Variants in MED28 observed in about 807,000 individuals in gnomAD.
MED28 encodes the protein mediator of RNA polymerase II transcription subunit 28.
A neutral mutation model predicts 21.3 loss-of-function variants in MED28; 26 were observed. That is an observed-to-expected ratio of 1.22 (90% CI 0.89 to 1.69). The LOEUF (loss-of-function observed/expected upper bound fraction) is 1.69, where lower values mean the gene tolerates loss of function less well. MED28 is among the 40% of genes most tolerant of loss of function. The pLI, the probability that MED28 is intolerant of heterozygous loss-of-function variation, is 0.00. For missense variants in MED28, 257 were observed against 215.4 expected, an observed-to-expected ratio of 1.19 and a Z score of -1.21; for synonymous variants, 110 against 87.6, an observed-to-expected ratio of 1.26 and a Z score of -1.43.
rs1714740326 is a variant in MED28, at chr4:17,625,072, CAT to C, written c.*1275_*1276del. 6.6e-6 allele frequency: 1 copy of C among 152,268 alleles called. No individual in the cohort carries two copies. The highest frequency in any genetic ancestry group is 6.6e-5 in the Admixed American group (1 of 15,258). The allele number at this position is 152,268 out of a possible 1,614,324, so 9.4% of individuals were successfully genotyped here. ...CTTCCCACATGGACTGACATCCACT[CAT>C]GTGCCTGATCCCTGAAGCCTCCCAG... On this transcript the variant is annotated 3_prime_UTR_variant, in exon 4 of 4. Coordinates refer to ENST00000237380, the MANE Select transcript of MED28 (RefSeq NM_025205.5).
Position 17,626,354 on chromosome 4 carries a change from G to A in MED28, c.*2556G>A, listed in dbSNP as rs917637181. The A allele has an allele frequency of 6.6e-6, 1 of 152,374 alleles. No homozygotes were observed. Among genetic ancestry groups the A allele is most frequent in the South Asian group, 2.1e-4 (1 of 4,830 alleles). The allele number at this position is 152,374 out of a possible 1,614,324, so 9.4% of individuals were successfully genotyped here. On this transcript the variant is annotated 3_prime_UTR_variant, in exon 4 of 4. Transcript: ENST00000237380. The stretch of plus-strand genomic sequence containing the variant: ...GGAAGAGGAGGGTTATGGAGGAAGA[G>A]TATGGGATTTAGGTGGGTTAAGTGA...
rs1295737047 is a variant in MED28 at position 17,631,666 on chromosome 4, T to G, written c.*7868T>G. ...AAAGCCCTTTTAGAGGTGGGTGTTA[T>G]CCCATCTATAATCTGCTGCTTGTCT... On this transcript the variant is annotated 3_prime_UTR_variant, in exon 4 of 4. Coordinates refer to ENST00000237380, the MANE Select transcript of MED28 (RefSeq NM_025205.5). The G allele has an allele frequency of 6.6e-6, 1 of 152,208 alleles. No individual in the cohort carries two copies. The highest frequency in any genetic ancestry group is 1.5e-5 in the Non-Finnish European group (1 of 68,042). The allele number at this position is 152,208 out of a possible 1,614,324, so 9.4% of individuals were successfully genotyped here.
At position 17,628,132 on chromosome 4, in the gene MED28, A is replaced by G. The variant is rs1714814628; in HGVS notation, c.*4334A>G. On this transcript the variant is annotated 3_prime_UTR_variant, in exon 4 of 4. Transcript: ENST00000237380. ...GAATGCCAACCCCAAAGTTGCTCTCAGGCCATGATAAAATAAACCACTTAA... is the reference window on the plus strand; with the variant it reads ...GAATGCCAACCCCAAAGTTGCTCTCGGGCCATGATAAAATAAACCACTTAA... 6.6e-6 allele frequency: 1 copy of G among 152,170 alleles called. No individual in the cohort carries two copies. Among genetic ancestry groups the G allele is most frequent in the Non-Finnish European group, 1.5e-5 (1 of 68,046 alleles). 9.4% of individuals were successfully genotyped at this position (152,170 alleles called of 1,614,324 possible).
intron 2 of MED28, 51 bp from the exon 3 acceptor site, chr4:17,621,536 A>C (rs1714632366): frequency 8.1e-6 from 10 of 1,228,344 alleles, no homozygotes; most frequent in Non-Finnish European, 1.1e-5. Flanking sequence ...AGGGAGATAA[A>C]TGAGTCTGTT....
At position 17,614,707 on chromosome 4, in the gene MED28, A is replaced by G. The variant is rs763018316; in HGVS notation, c.53A>G (p.Gln18Arg). 2.0e-5 allele frequency: 33 copies of G among 1,614,026 alleles called. No homozygotes were observed. Among genetic ancestry groups the G allele is most frequent in the Non-Finnish European group, 2.7e-5 (32 of 1,180,034 alleles). The stretch of plus-strand genomic sequence containing the variant: ...TCTGGGCAGCCACCCGGTCCCCCTC[A>G]GGCCCCGCCGGGCCTTCCGGGCCAA... ...MFSGQPPGPP[Q>R]APPGLPGQAS... The change falls in exon 1 of 4, where the codon CAG becomes CGG. Residue 18 changes from glutamine to arginine, a missense_variant. By Grantham distance (43) the Gln-to-Arg change is conservative. Coordinates refer to ENST00000237380, the MANE Select transcript of MED28 (RefSeq NM_025205.5).
Position 17,621,620 on chromosome 4 carries a change from T to C in MED28, c.260T>C (p.Ile87Thr). ...CAGTGTATCCAGAAGTTTCTGGATA[T>C]TGCAAGACAGACAGAATGTTTTTTC... Reference protein sequence around the residue: ...VDQCIQKFLDIARQTECFFLQ... With the variant: ...VDQCIQKFLDTARQTECFFLQ... The change falls in exon 3 of 4, where the codon ATT becomes ACT. Residue 87 changes from isoleucine to threonine, a missense_variant. Coordinates refer to ENST00000237380, the MANE Select transcript of MED28 (RefSeq NM_025205.5). 6.2e-7 allele frequency: 1 copy of C among 1,610,264 alleles called. No individual in the cohort carries two copies. The highest frequency in any genetic ancestry group is 1.7e-4 in the Middle Eastern group (1 of 6,056).
intron 3 of MED28, 74 bp downstream of exon 3, chr4:17,621,773 GAGA>G (rs1374748726): frequency 2.5e-5 from 25 of 987,500 alleles, no homozygotes; most frequent in Admixed American, 1.3e-4. Flanking sequence ...TGCTTTAAAT[GAGA>G]TGTAACCGTT....
chr4:17,614,841 C>T (rs1577229614), intron 1 of MED28, 28 bp downstream of exon 1: 2 of 1,558,856 alleles, frequency 1.3e-6, no homozygotes, highest in Non-Finnish European at 1.7e-6. Flanking sequence ...CGTCTTTGTC[C>T]CTAGCCTTCC....
In MED28 at chr4:17,620,713, T is replaced by G. The variant is rs1162367955; in HGVS notation, c.226+746T>G. Among the ~76,000 whole-genome samples, 309 of 93,212 alleles carry G rather than the reference T, an allele frequency of 3.3e-3. 3 individuals carry two copies. The East Asian group carries it at 0.053, about 16-fold the overall frequency. The allele number at this position is 93,212 out of a possible 152,430, so 61.2% of individuals were successfully genotyped here. On this transcript the variant is annotated intron_variant, in intron 2 of 3. Transcript: ENST00000237380. ...GTCTCTTTTTTTTTTTTTTTTTTTT[T>G]GGAGACAGAGTTCTTGCTCTCTCAC...
In MED28 at chr4:17,624,065, A is replaced by G; in HGVS notation, c.*267A>G. The G allele has an allele frequency of 4.7e-6, 2 of 424,850 alleles. No homozygotes were observed. The highest frequency in any genetic ancestry group is 8.5e-6 in the Non-Finnish European group (2 of 235,288). The allele number at this position is 424,850 out of a possible 1,614,324, so 26.3% of individuals were successfully genotyped here. On this transcript the variant is annotated 3_prime_UTR_variant, in exon 4 of 4. Transcript: ENST00000237380. ...TTAGACTGTGAATATGATGACACAG[A>G]TTCTTTTTTATGGTGGCTTTGCTTG... is the stretch of plus-strand genomic sequence containing the variant.
At chr4:17,615,192 G>A (rs1231504330) in intron 1 of MED28, among the ~76,000 whole-genome samples, 1 of 152,120 alleles carries the variant, frequency 6.6e-6, no homozygotes, top group African/African-American at 2.4e-5. Context: ...TATCCTTTCC[G>A]CTGGGCTTCA....
rs1233956735 is a variant in MED28, at chr4:17,621,663, G to A, written c.303G>A (p.Gln101=). The A allele has an allele frequency of 2.5e-6, 4 of 1,611,244 alleles. No individual in the cohort carries two copies. In the South Asian group the frequency reaches 3.4e-5, roughly 14 times the overall value. Residue 101 remains glutamine (Q), a synonymous_variant, in exon 3 of 4, where the codon CAG becomes CAA. Transcript: ENST00000237380. ...GTTTTTTCTTACAAAAAAGATTGCA[G>A]TTATCTGTCCAGAAACCAGAGCAAG... ...TECFFLQKRL[Q]LSVQKPEQVI...
chr4:17,622,515 GCT>G (rs1400109465), intron 3 of MED28, among the ~76,000 whole-genome samples: 1 of 152,146 alleles, frequency 6.6e-6, no homozygotes, highest in Non-Finnish European at 1.5e-5. Context: ...TTCTTAAAAA[GCT>G]CTTGAAAATG....
rs1228360443 is a variant in MED28 at position 17,631,904 on chromosome 4, G to A, written c.*8106G>A. 1.3e-5 allele frequency: 2 copies of A among 152,142 alleles called. No individual in the cohort carries two copies. The highest frequency in any genetic ancestry group is 4.8e-5 in the African/African-American group (2 of 41,430). The allele number at this position is 152,142 out of a possible 1,614,324, so 9.4% of individuals were successfully genotyped here. A position where few individuals can be genotyped will look rare whatever the true frequency, so the allele number is the denominator to read the frequency against. ...GACAAGTACAACCACTTTTGAAATA[G>A]ATCATGGAAATCACAAAGTCTGATG... On this transcript the variant is annotated 3_prime_UTR_variant, in exon 4 of 4. Coordinates refer to ENST00000237380, the MANE Select transcript of MED28 (RefSeq NM_025205.5).
chr4:17,621,378 TA>T (rs1714625581), intron 2 of MED28, among the ~76,000 whole-genome samples: 1 of 152,018 alleles, frequency 6.6e-6, no homozygotes, highest in African/African-American at 2.4e-5. Flanking sequence ...TTTTTTTTTT[TA>T]ACCTGAGAAA....
At position 17,619,944 on chromosome 4, in the gene MED28, C is replaced by G. The variant is rs938837447; in HGVS notation, c.203C>G (p.Thr68Ser). 2 of 1,614,154 alleles carry G rather than the reference C, an allele frequency of 1.2e-6. No individual in the cohort carries two copies. The change falls in exon 2 of 4, where the codon ACC becomes AGC. Residue 68 changes from threonine (T) to serine (S), a missense_variant. Thr to Ser is a moderately conservative substitution (Grantham distance 58). Coordinates refer to ENST00000237380, the MANE Select transcript of MED28 (RefSeq NM_025205.5). ...SLVSQDYVNG[T>S]DQEEIRTGVD... is the part of the protein sequence containing the mutation. The stretch of plus-strand genomic sequence containing the variant: ...GTGAGTCAGGACTATGTCAATGGCA[C>G]CGATCAGGAAGAAATTCGAACCGGT...
chr4:17,616,293 G>A (rs1415050625), intron 1 of MED28, among the ~76,000 whole-genome samples: 2 of 152,220 alleles, frequency 1.3e-5, no homozygotes, highest in African/African-American at 4.8e-5. Flanking sequence ...TTTAGGAGGA[G>A]GAGGAGGAGA....
At chr4:17,616,285 T>TAGG (rs965641465) in intron 1 of MED28, among the ~76,000 whole-genome samples, 19 of 152,204 alleles carry the variant, frequency 1.2e-4, no homozygotes, top group South Asian at 2.1e-4. Flanking sequence ...ACAGACCGTT[T>TAGG]AGGAGGAGGA....
rs1412531280 is a variant in MED28 at position 17,621,700 on chromosome 4, G to A, written c.339+1G>A. 1.3e-6 allele frequency: 2 copies of A among 1,596,394 alleles called. No individual in the cohort carries two copies. Among genetic ancestry groups the A allele is most frequent in the Non-Finnish European group, 1.7e-6 (2 of 1,168,746 alleles). On this transcript the variant is annotated splice_donor_variant, in intron 3 of 3. Coordinates refer to ENST00000237380, the MANE Select transcript of MED28 (RefSeq NM_025205.5). LOFTEE classifies it high-confidence loss of function. Reference sequence around the variant, plus strand: ...GAAACCAGAGCAAGTTATCAAAGAGGTATGAACTCAGTTTTCTCCTCAGCT... The same window carrying A: ...GAAACCAGAGCAAGTTATCAAAGAGATATGAACTCAGTTTTCTCCTCAGCT...
Sources: gnomAD v4.1 joint callset for allele counts (sites outside exome capture counted in the v4.1 genomes callset) on GRCh38, gnomAD v4.1.1 for gene constraint, MANE v1.5 for transcripts, NCBI Gene and HGNC (gene_info 2026-07-23, HGNC 2026-07-21) for gene names.